Variants in ZBTB46 observed in about 807,000 individuals in gnomAD.
ZBTB46 encodes zinc finger and BTB domain containing 46.
Under a neutral mutation model 44.1 loss-of-function variants are expected in ZBTB46, and 8 were observed. The ratio of observed to expected loss-of-function variants is 0.18; its 90% CI spans 0.11 to 0.33. ZBTB46 has a LOEUF of 0.33. ZBTB46 is among the 10% of genes least tolerant of loss of function. ZBTB46 has a pLI of 1.00. For synonymous variants in ZBTB46, 409 were observed against 382.3 expected, an observed-to-expected ratio of 1.07 and a Z score of -0.81; for missense variants, 651 against 847.7, an observed-to-expected ratio of 0.77 and a Z score of 2.88.
rs1219003559 is a variant in ZBTB46 at position 63,765,086 on chromosome 20, TGTGC to T, written c.1222+10588_1222+10591del. ...GTATGTGCATGTGTGCGTGTGCATG[TGTGC>T]ATGTGTATGTGTGGTTGTGTGTGTG... On this transcript the variant is annotated intron_variant, in intron 3 of 4. Coordinates refer to ENST00000245663, the MANE Select transcript of ZBTB46 (RefSeq NM_001369741.1). Among the ~76,000 whole-genome samples, 26 of 151,280 alleles carry T rather than the reference TGTGC, an allele frequency of 1.7e-4. No homozygotes were observed. The East Asian group carries it at 3.5e-3, about 20-fold the overall frequency.
At position 63,771,607 on chromosome 20, in the gene ZBTB46, A is replaced by T. The variant is rs190610871; in HGVS notation, c.1222+4071T>A. 3.7e-3 allele frequency among the ~76,000 whole-genome samples: 557 copies of T among 151,922 alleles called. 1 individual carries two copies. Among genetic ancestry groups the T allele is most frequent in the African/African-American group, 0.011 (471 of 41,414 alleles). On this transcript the variant is annotated intron_variant, in intron 3 of 4. Coordinates refer to ENST00000245663, the MANE Select transcript of ZBTB46 (RefSeq NM_001369741.1). Reference sequence around the variant, plus strand: ...TCCTCCACCGCGGCAGCCCCCCGAGAGGCCAGGCCCCCGGACCCCACCTTC... The same window carrying T: ...TCCTCCACCGCGGCAGCCCCCCGAGTGGCCAGGCCCCCGGACCCCACCTTC...
chr20:63,769,973 C>G (rs982073130), intron 3 of ZBTB46, among the ~76,000 whole-genome samples: 2 of 152,220 alleles, frequency 1.3e-5, no homozygotes, highest in African/African-American at 4.8e-5. Flanking sequence ...AGAAGCCGTC[C>G]CCGCAGGAAA....
At position 63,752,584 on chromosome 20, in the gene ZBTB46, CCGGTGTGGGGTCCGGGG is replaced by C. The variant is rs1282671722; in HGVS notation, c.1398+85_1398+101del. 1.5e-6 allele frequency: 2 copies of C among 1,349,434 alleles called. No homozygotes were observed. Among genetic ancestry groups the C allele is most frequent in the Non-Finnish European group, 9.7e-7 (1 of 1,035,540 alleles). The allele number at this position is 1,349,434 out of a possible 1,614,324, so 83.6% of individuals were successfully genotyped here. A position where few individuals can be genotyped will look rare whatever the true frequency, so the allele number is the denominator to read the frequency against. On this transcript the variant is annotated intron_variant, in intron 4 of 4. Transcript: ENST00000245663. This position sits in a 1 kb window ranked among gnomAD's most constrained non-coding sequence, Gnocchi z 5.6. ...GTCGTCCCCCCTGTGCAGAGTGGACCCGGTGTGGGGTCCGGGGCGGTCTGCGCCCTCATCAGGACCCG... is the reference window on the plus strand; with the variant it reads ...GTCGTCCCCCCTGTGCAGAGTGGACCCGGTCTGCGCCCTCATCAGGACCCG...
intron 1 of ZBTB46, among the ~76,000 whole-genome samples, chr20:63,815,998 A>ACAGGTGGGCACAGGTGCAGTGGGCG (rs1164734106): frequency 1.7e-5 from 2 of 120,756 alleles, no homozygotes; most frequent in Non-Finnish European, 1.7e-5. Flanking sequence ...TGCAGTGGGC[A>ACAGGTGGGCACAGGTGCAGTGGGCG]CAGGTGGGCA....
rs1296020067 is a variant in ZBTB46 at position 63,752,679 on chromosome 20, C to T, written c.1398+7G>A. 2 of 1,566,674 alleles carry T rather than the reference C, an allele frequency of 1.3e-6. No homozygotes were observed. Among genetic ancestry groups the T allele is most frequent in the Admixed American group, 3.5e-5 (2 of 56,862 alleles). On this transcript the variant is annotated splice_region_variant and intron_variant, in intron 4 of 4. Transcript: ENST00000245663. This position sits in a 1 kb window ranked among gnomAD's most constrained non-coding sequence, Gnocchi z 5.6. ...GCGCGCGGCACGCGGACCCTCCCCG[C>T]ACTCACCAGCGTGTGGCGCTTCATG...
At chr20:63,800,622 G>A (rs892489002) in intron 1 of ZBTB46, among the ~76,000 whole-genome samples, 11 of 152,242 alleles carry the variant, frequency 7.2e-5, no homozygotes, top group Admixed American at 3.9e-4. Context: ...CTAGAGTTCC[G>A]GGTGGGTGTG....
chr20:63,801,264 C>T (rs1050610036), intron 1 of ZBTB46, among the ~76,000 whole-genome samples: 1 of 152,080 alleles, frequency 6.6e-6, no homozygotes, highest in African/African-American at 2.4e-5. Context: ...CAATCAGCGC[C>T]CTGTATCCAG....
At chr20:63,789,679 C>T (rs972925373) in intron 2 of ZBTB46, 142 bp downstream of exon 2, 13 of 1,411,996 alleles carry the variant, frequency 9.2e-6, no homozygotes, top group South Asian at 4.2e-5. Context: ...CCAGCGGTCA[C>T]GACAACCTCC....
At chr20:63,785,993 C>T (rs973390446) in intron 2 of ZBTB46, among the ~76,000 whole-genome samples, 13 of 152,240 alleles carry the variant, frequency 8.5e-5, no homozygotes, top group Admixed American at 5.2e-4. Flanking sequence ...TGCACTATTT[C>T]TCAGTGCCTG....
chr20:63,805,204 C>A (rs1291237897), intron 1 of ZBTB46, among the ~76,000 whole-genome samples: 1 of 152,128 alleles, frequency 6.6e-6, no homozygotes, highest in Non-Finnish European at 1.5e-5. Flanking sequence ...CAGGCATGAG[C>A]CACCACGCCC....
At chr20:63,783,626 AT>A (rs1264319843) in intron 2 of ZBTB46, among the ~76,000 whole-genome samples, 1 of 152,202 alleles carries the variant, frequency 6.6e-6, no homozygotes, top group East Asian at 1.9e-4. Context: ...AAGCAAAAAC[AT>A]CTAGAGAAGG....
At chr20:63,810,080 C>T (rs1353044736) in intron 1 of ZBTB46, among the ~76,000 whole-genome samples, 1 of 152,060 alleles carries the variant, frequency 6.6e-6, no homozygotes, top group African/African-American at 2.4e-5. Context: ...CTTGAAGCAG[C>T]CTGCAGCGTG....
chr20:63,820,219 G>C (rs2092783491), intron 1 of ZBTB46, among the ~76,000 whole-genome samples: 1 of 151,892 alleles, frequency 6.6e-6, no homozygotes, highest in Non-Finnish European at 1.5e-5. Flanking sequence ...TCAGCCTCCT[G>C]AGTAGCTGGG....
intron 1 of ZBTB46, among the ~76,000 whole-genome samples, chr20:63,801,935 A>G (rs1420296052): frequency 6.6e-6 from 1 of 152,164 alleles, no homozygotes; most frequent in African/African-American, 2.4e-5. Context: ...ATTATGCCTC[A>G]ATAAAGGATT....
chr20:63,758,984 G>A (rs751415735), intron 3 of ZBTB46, among the ~76,000 whole-genome samples: 3 of 152,048 alleles, frequency 2.0e-5, no homozygotes, highest in South Asian at 2.1e-4. Flanking sequence ...CGGCCGCCTC[G>A]GCCTCCCAAA....
At chr20:63,769,668 G>A (rs1032924594) in intron 3 of ZBTB46, among the ~76,000 whole-genome samples, 2 of 152,128 alleles carry the variant, frequency 1.3e-5, no homozygotes, top group African/African-American at 4.8e-5. Flanking sequence ...AACACCTCTG[G>A]ACTGCAGAAA....
Position 63,790,365 on chromosome 20 carries a change from G to A in ZBTB46, c.393C>T (p.Ile131=). ...CATCTGAGGCGTCCGACTTGATGCTGATGTCCAGCGCCGCCTTGATGAAGT... is the reference window on the plus strand; with the variant it reads ...CATCTGAGGCGTCCGACTTGATGCTAATGTCCAGCGCCGCCTTGATGAAGT... ...CHDFIKAALD[I]SIKSDASDEL... is the part of the protein sequence containing the mutation. Residue 131 remains isoleucine, a synonymous_variant, in exon 2 of 5, where the codon ATC becomes ATT. Transcript: ENST00000245663. 6.2e-7 allele frequency: 1 copy of A among 1,613,206 alleles called. No homozygotes were observed. Among genetic ancestry groups the A allele is most frequent in the Non-Finnish European group, 8.5e-7 (1 of 1,179,956 alleles).
chr20:63,833,363 A>G (rs1030852894), upstream of ZBTB46, among the ~76,000 whole-genome samples: 1 of 152,166 alleles, frequency 6.6e-6, no homozygotes, highest in Non-Finnish European at 1.5e-5. Flanking sequence ...AGGCCGAGGC[A>G]GGCGGATCAC....
At chr20:63,833,533 G>C (rs1216696157), upstream of ZBTB46, among the ~76,000 whole-genome samples, 1 of 152,238 alleles carries the variant, frequency 6.6e-6, no homozygotes, top group East Asian at 1.9e-4. Context: ...GGAGCTTGCA[G>C]TGAGCCAAGT....
Sources: allele counts gnomAD v4.1 joint callset (sites outside exome capture counted in the v4.1 genomes callset), GRCh38; gene constraint gnomAD v4.1.1; non-coding constraint Gnocchi (gnomAD v3.1); transcripts MANE v1.5; gene names NCBI Gene and HGNC (gene_info 2026-07-23, HGNC 2026-07-21).